The following ERBB4 variants were observed in gnomAD, a reference collection of about 807,000 sequenced individuals.
The protein encoded by ERBB4 is receptor tyrosine-protein kinase erbB-4.
A neutral mutation model predicts 158.0 loss-of-function variants in ERBB4; 42 were observed. The observed-to-expected ratio is 0.27, with a 90% CI of 0.21 to 0.34. The LOEUF (loss-of-function observed/expected upper bound fraction) is 0.34, where lower values mean the gene tolerates loss of function less well. Ranked by LOEUF, ERBB4 falls within the 10% of genes least tolerant of loss-of-function variation. The pLI is 1.00. For synonymous variants in ERBB4, 583 were observed against 558.7 expected (o/e 1.04, Z -0.61); for missense variants, 1,333 against 1,624.1 (o/e 0.82, Z 3.08).
At chr2:211,611,277 C>T (rs2069184160) in intron 19 of ERBB4, among the ~76,000 whole-genome samples, 1 of 151,930 alleles carries the variant, frequency 6.6e-6, no homozygotes, top group Non-Finnish European at 1.5e-5. Flanking sequence ...CCCGCCAACC[C>T]ACAAGCAGAT....
chr2:211,946,998 A>G (rs1332115532), intron 3 of ERBB4, among the ~76,000 whole-genome samples: 1 of 152,056 alleles, frequency 6.6e-6, no homozygotes, highest in East Asian at 1.9e-4. Flanking sequence ...AATTAGATAT[A>G]TTTTCTAAAA....
chr2:212,266,250 T>C (rs979417048), intron 1 of ERBB4, among the ~76,000 whole-genome samples: 1 of 151,958 alleles, frequency 6.6e-6, no homozygotes, highest in African/African-American at 2.4e-5. Flanking sequence ...AATTTTTTTC[T>C]CAAATATCTT....
intron 19 of ERBB4, among the ~76,000 whole-genome samples, chr2:211,562,623 T>C (rs184765823): frequency 6.6e-6 from 1 of 152,276 alleles, no homozygotes; most frequent in Admixed American, 6.5e-5. Flanking sequence ...TCAATTTATA[T>C]AAAATAATAA....
chr2:211,413,309 A>AAAAAAAAAAAAAAAAAACAC lies in ERBB4; in HGVS notation c.3135+7131_3135+7132insGTGTTTTTTTTTTTTTTTTT, dbSNP rs1553524037. On this transcript the variant is annotated intron_variant, in intron 25 of 27. Transcript: ENST00000342788. ...GGACAGAGAGAGACCCTGTCTTAAA[A>AAAAAAAAAAAAAAAAAACAC]ACACACACACACACACACACACACA... 1.2e-4 allele frequency among the ~76,000 whole-genome samples: 11 copies of AAAAAAAAAAAAAAAAAACAC among 94,574 alleles called. 2 individuals carry two copies. Among genetic ancestry groups the AAAAAAAAAAAAAAAAAACAC allele is most frequent in the South Asian group, 2.9e-4 (1 of 3,450 alleles). 62.0% of individuals were successfully genotyped at this position (94,574 alleles called of 152,430 possible).
chr2:211,701,531 C>T (rs34915253), intron 12 of ERBB4, among the ~76,000 whole-genome samples: 24,552 of 151,606 alleles, frequency 0.16, 2,240 homozygotes, highest in Non-Finnish European at 0.19. Flanking sequence ...CCAAGGTGGG[C>T]GGATCACGAG....
At chr2:211,860,655 T>C (rs1434711534) in intron 3 of ERBB4, among the ~76,000 whole-genome samples, 1 of 146,862 alleles carries the variant, frequency 6.8e-6, no homozygotes, top group Non-Finnish European at 1.5e-5. Flanking sequence ...ATATAGTAAA[T>C]TTTAATTTTT....
chr2:211,839,789 T>A (rs959608964), intron 3 of ERBB4, among the ~76,000 whole-genome samples: 4 of 152,108 alleles, frequency 2.6e-5, no homozygotes, highest in Admixed American at 2.6e-4. Context: ...TACGTGTAGT[T>A]CTCTATGCCA....
At chr2:212,341,726 G>A (rs2088723923) in intron 1 of ERBB4, among the ~76,000 whole-genome samples, 1 of 152,074 alleles carries the variant, frequency 6.6e-6, no homozygotes, top group Non-Finnish European at 1.5e-5. Context: ...TGTAGAACAT[G>A]AATAAACAGA....
intron 1 of ERBB4, among the ~76,000 whole-genome samples, chr2:212,168,199 A>T (rs1266950691): frequency 6.6e-6 from 1 of 152,154 alleles, no homozygotes; most frequent in Non-Finnish European, 1.5e-5. Context: ...TTTATAAATG[A>T]AATCTTTCCT....
At chr2:211,640,626 C>T (rs1442327715) in intron 16 of ERBB4, among the ~76,000 whole-genome samples, 1 of 152,090 alleles carries the variant, frequency 6.6e-6, no homozygotes, top group African/African-American at 2.4e-5. Context: ...TTCTCTAAAT[C>T]CTTTTTCCAT....
intron 3 of ERBB4, among the ~76,000 whole-genome samples, chr2:211,926,017 C>G (rs1185063393): frequency 2.0e-5 from 3 of 151,886 alleles, no homozygotes; most frequent in African/African-American, 7.3e-5. Context: ...GGCAAAGGCC[C>G]AAGAAAATTG....
chr2:212,501,970 T>C (rs1575039129), intron 1 of ERBB4, among the ~76,000 whole-genome samples: 2 of 152,076 alleles, frequency 1.3e-5, no homozygotes, highest in Admixed American at 1.3e-4. Flanking sequence ...AAATATTTTA[T>C]ATTTTTATAC....
At chr2:212,171,809 A>C (rs2081528813) in intron 1 of ERBB4, among the ~76,000 whole-genome samples, 1 of 152,166 alleles carries the variant, frequency 6.6e-6, no homozygotes, top group Admixed American at 6.6e-5. Context: ...GGGTCAATTA[A>C]ACCTCTTTTA....
intron 24 of ERBB4, among the ~76,000 whole-genome samples, 183 bp from the exon 25 acceptor site, chr2:211,420,794 A>G (rs959119423): frequency 6.6e-6 from 1 of 152,066 alleles, no homozygotes; most frequent in African/African-American, 2.4e-5. Context: ...CTTAGAAATG[A>G]TAGGGCCAGG....
At chr2:211,837,611 CACTA>C (rs1274534439) in intron 3 of ERBB4, among the ~76,000 whole-genome samples, 1 of 152,088 alleles carries the variant, frequency 6.6e-6, no homozygotes, top group Non-Finnish European at 1.5e-5. Flanking sequence ...ATCTCCTTCT[CACTA>C]ACTAACTGGG....
chr2:211,969,936 G>C (rs839507), intron 2 of ERBB4, among the ~76,000 whole-genome samples: 90,681 of 151,772 alleles, frequency 0.6, 28,901 homozygotes, highest in Non-Finnish European at 0.73. Flanking sequence ...CTAGCTTTGG[G>C]ATTTCTTTGC....
At chr2:212,188,010 G>A (rs569205547) in intron 1 of ERBB4, among the ~76,000 whole-genome samples, 9 of 151,816 alleles carry the variant, frequency 5.9e-5, no homozygotes, top group Non-Finnish European at 1.0e-4. Context: ...TCACAATATC[G>A]TACAGGCAAA....
At chr2:212,274,437 T>C (rs1036094187) in intron 1 of ERBB4, among the ~76,000 whole-genome samples, 3 of 151,858 alleles carry the variant, frequency 2.0e-5, no homozygotes, top group African/African-American at 7.2e-5. Flanking sequence ...GAACTGCTCA[T>C]GCTGAGATGA....
At chr2:212,019,253 G>A (rs137915393) in intron 2 of ERBB4, among the ~76,000 whole-genome samples, 420 of 152,170 alleles carry the variant, frequency 2.8e-3, no homozygotes, top group Admixed American at 5.6e-3. Context: ...TGTATGATGC[G>A]CCCTTATTAT....
Sources: gnomAD v4.1 joint callset for allele counts (sites outside exome capture counted in the v4.1 genomes callset) on GRCh38, gnomAD v4.1.1 for gene constraint, MANE v1.5 for transcripts, NCBI Gene and HGNC (gene_info 2026-07-23, HGNC 2026-07-21) for gene names.